Variants in VKORC1L1 observed in about 807,000 individuals in gnomAD.
VKORC1L1 encodes the protein vitamin K epoxide reductase complex subunit 1L1.
Under a neutral mutation model 18.9 loss-of-function variants are expected in VKORC1L1, and 2 were observed. That is an observed-to-expected ratio of 0.11 (90% CI 0.04 to 0.33). The LOEUF (loss-of-function observed/expected upper bound fraction) is 0.33. Among genes scored for constraint, VKORC1L1 ranks in the 10% least tolerant of loss-of-function variants. VKORC1L1 has a pLI of 1.00. For missense variants in VKORC1L1, 123 were observed against 224.1 expected (o/e 0.55, Z 2.88); for synonymous variants, 96 against 100.0 (o/e 0.96, Z 0.24).
intron 1 of VKORC1L1, among the ~76,000 whole-genome samples, chr7:65,924,994 G>C (rs1423951243): frequency 1.3e-5 from 2 of 152,100 alleles, no homozygotes; most frequent in East Asian, 3.9e-4. Flanking sequence ...TGCTTAACTT[G>C]TGGTGTTCCC....
intron 1 of VKORC1L1, among the ~76,000 whole-genome samples, chr7:65,884,850 A>AT (rs1562982459): frequency 6.6e-6 from 1 of 152,148 alleles, no homozygotes; most frequent in Non-Finnish European, 1.5e-5. Context: ...TAAAAAATTT[A>AT]TTTTTTAATT....
intron 1 of VKORC1L1, among the ~76,000 whole-genome samples, chr7:65,889,208 A>G (rs1789069014): frequency 6.6e-6 from 1 of 151,694 alleles, no homozygotes; most frequent in Non-Finnish European, 1.5e-5. Context: ...AGCCATGTCC[A>G]TGGTCTCACT....
intron 1 of VKORC1L1, among the ~76,000 whole-genome samples, chr7:65,886,839 G>GGTTTTTTTTTTTTTTTTTTTTTTTTTT (rs1237860894): frequency 1.7e-5 from 1 of 58,604 alleles, no homozygotes. Context: ...GCCTGTCCGA[G>GGTTTTTTTTTTTTTTTTTTTTTTTTTT]TTTTTTTTTT....
At chr7:65,905,259 G>C (rs1459794631) in intron 1 of VKORC1L1, among the ~76,000 whole-genome samples, 1 of 152,078 alleles carries the variant, frequency 6.6e-6, no homozygotes, top group African/African-American at 2.4e-5. Flanking sequence ...ACTTGTTTCA[G>C]TCTAGATAAT....
At chr7:65,905,311 T>A (rs549783015) in intron 1 of VKORC1L1, among the ~76,000 whole-genome samples, 8 of 152,226 alleles carry the variant, frequency 5.3e-5, no homozygotes, top group Admixed American at 3.9e-4. Context: ...TTATTTTTTT[T>A]ATTTTTTTAT....
chr7:65,873,349 G>A lies in VKORC1L1; in HGVS notation c.-23G>A. On this transcript the variant is annotated 5_prime_UTR_variant, in exon 1 of 3. Coordinates refer to ENST00000360768, the MANE Select transcript of VKORC1L1 (RefSeq NM_173517.6). The stretch of plus-strand genomic sequence containing the variant: ...GCGGCTGAGGTGGAGGCGGAGGGAG[G>A]CGGCGGCGGCGGCGGCGGGAAGATG... 7.5e-7 allele frequency: 1 copy of A among 1,336,158 alleles called. No homozygotes were observed. The highest frequency in any genetic ancestry group is 9.8e-7 in the Non-Finnish European group (1 of 1,025,514). The allele number at this position is 1,336,158 out of a possible 1,614,324, so 82.8% of individuals were successfully genotyped here. A position where few individuals can be genotyped will look rare whatever the true frequency, so the allele number is the denominator to read the frequency against.
chr7:65,944,581 G>A (rs1583865197), intron 1 of VKORC1L1, among the ~76,000 whole-genome samples: 2 of 151,778 alleles, frequency 1.3e-5, no homozygotes, highest in South Asian at 2.1e-4. Context: ...CTCACTTTGT[G>A]TATATGCATT....
chr7:65,897,711 T>A (rs1483730171), intron 1 of VKORC1L1, among the ~76,000 whole-genome samples: 9 of 149,628 alleles, frequency 6.0e-5, no homozygotes, highest in Non-Finnish European at 8.9e-5. Flanking sequence ...TTTTTTTTTT[T>A]AATCTCTGTG....
chr7:65,883,943 G>A (rs1261120785), intron 1 of VKORC1L1, among the ~76,000 whole-genome samples: 1 of 152,144 alleles, frequency 6.6e-6, no homozygotes, highest in Non-Finnish European at 1.5e-5. Context: ...GACACTGTTG[G>A]CTGTCTTGTG....
At chr7:65,929,656 A>ATG (rs976580338) in intron 1 of VKORC1L1, among the ~76,000 whole-genome samples, 1 of 121,126 alleles carries the variant, frequency 8.3e-6, no homozygotes, top group East Asian at 2.5e-4. Flanking sequence ...ATATATATGT[A>ATG]TGTGTGTGTG....
At chr7:65,939,664 A>G (rs1790002542) in intron 1 of VKORC1L1, among the ~76,000 whole-genome samples, 1 of 152,212 alleles carries the variant, frequency 6.6e-6, no homozygotes, top group Non-Finnish European at 1.5e-5. Context: ...GGCAGAGGGC[A>G]TTCATTTCTG....
chr7:65,929,850 C>T (rs1437648284), intron 1 of VKORC1L1, among the ~76,000 whole-genome samples: 1 of 151,396 alleles, frequency 6.6e-6, no homozygotes, highest in East Asian at 1.9e-4. Context: ...TTTTGGTTAG[C>T]TTGCATTGAG....
intron 1 of VKORC1L1, among the ~76,000 whole-genome samples, chr7:65,932,344 C>T (rs1451537542): frequency 6.6e-6 from 1 of 152,168 alleles, no homozygotes; most frequent in Non-Finnish European, 1.5e-5. Context: ...GTGATCCATC[C>T]ACCTTGGCCT....
At chr7:65,879,106 C>CT (rs1432413476) in intron 1 of VKORC1L1, among the ~76,000 whole-genome samples, 2 of 152,002 alleles carry the variant, frequency 1.3e-5, no homozygotes, top group Non-Finnish European at 2.9e-5. Flanking sequence ...TGATTCCTCC[C>CT]TTTTTTTAAC....
intron 1 of VKORC1L1, among the ~76,000 whole-genome samples, chr7:65,917,167 A>G (rs997255434): frequency 2.0e-5 from 3 of 151,090 alleles, no homozygotes; most frequent in Admixed American, 2.0e-4. Context: ...CTTTCTCACA[A>G]CTCTTTTTTC....
chr7:65,903,539 A>G (rs931680262), intron 1 of VKORC1L1, among the ~76,000 whole-genome samples: 2 of 152,058 alleles, frequency 1.3e-5, no homozygotes, highest in African/African-American at 4.8e-5. Context: ...CTGTAATCCC[A>G]GCACTTGGGG....
At chr7:65,913,127 T>A (rs1420226473) in intron 1 of VKORC1L1, among the ~76,000 whole-genome samples, 1 of 152,182 alleles carries the variant, frequency 6.6e-6, no homozygotes, top group Non-Finnish European at 1.5e-5. Flanking sequence ...CCTCCACAGA[T>A]CTGAAATGTG....
intron 1 of VKORC1L1, among the ~76,000 whole-genome samples, chr7:65,894,669 A>T (rs1202927289): frequency 3.9e-5 from 6 of 152,356 alleles, no homozygotes; most frequent in African/African-American, 1.4e-4. Flanking sequence ...TGGAGGTTGC[A>T]GTGAGCCGAG....
intron 1 of VKORC1L1, among the ~76,000 whole-genome samples, chr7:65,906,614 C>T (rs1562990931): frequency 6.6e-6 from 1 of 152,086 alleles, no homozygotes; most frequent in African/African-American, 2.4e-5. Flanking sequence ...TATTCCTTTC[C>T]TTAATTACAC....
Sources: gnomAD v4.1 joint callset for allele counts (sites outside exome capture counted in the v4.1 genomes callset) on GRCh38, gnomAD v4.1.1 for gene constraint, MANE v1.5 for transcripts, NCBI Gene and HGNC (gene_info 2026-07-23, HGNC 2026-07-21) for gene names.